TERB1: variants seen among roughly 807,000 people sequenced by gnomAD.
The protein encoded by TERB1 is telomere repeat binding bouquet formation protein 1.
Under a neutral mutation model 92.3 loss-of-function variants are expected in TERB1, and 63 were observed. The ratio of observed to expected loss-of-function variants is 0.68; its 90% confidence interval spans 0.56 to 0.84. The LOEUF (loss-of-function observed/expected upper bound fraction) is 0.84, where lower values mean the gene tolerates loss of function less well. Ranked by LOEUF, TERB1 falls within the 40% of genes least tolerant of loss-of-function variation. The probability of loss-of-function intolerance (pLI) is 0.00; values close to 1 mark genes in which losing one functional copy is unlikely to be tolerated. For synonymous variants in TERB1, 252 were observed against 283.9 expected, an observed-to-expected ratio of 0.89 and a Z score of 1.13; for missense variants, 709 against 843.7, an observed-to-expected ratio of 0.84 and a Z score of 1.98.
intron 16 of TERB1, among the ~76,000 whole-genome samples, chr16:66,761,167 C>G (rs1178947798): frequency 1.3e-5 from 2 of 150,574 alleles, no homozygotes; most frequent in African/African-American, 4.9e-5. Context: ...AAAAGAGCAT[C>G]TAGGCTGGGT....
intron 11 of TERB1, among the ~76,000 whole-genome samples, chr16:66,775,546 AC>A (rs2018531964): frequency 1.3e-5 from 2 of 152,046 alleles, no homozygotes; most frequent in Admixed American, 1.3e-4. Flanking sequence ...AGGCACAATA[AC>A]TGCTTGAACC....
At chr16:66,760,971 G>C (rs1158102487) in intron 16 of TERB1, among the ~76,000 whole-genome samples, 3 of 145,012 alleles carry the variant, frequency 2.1e-5, no homozygotes, top group Non-Finnish European at 4.5e-5. Flanking sequence ...AATTAGCCAG[G>C]CATGGTGGTG....
chr16:66,755,718 T>G (rs1433112977), intron 18 of TERB1, among the ~76,000 whole-genome samples: 2 of 152,064 alleles, frequency 1.3e-5, no homozygotes, highest in Admixed American at 6.6e-5. Context: ...GAGGTTGCAG[T>G]GAGCTGACAG....
Position 66,788,242 on chromosome 16 carries a change from G to A in TERB1, c.327C>T (p.Phe109=), listed in dbSNP as rs1237627740. ...AATTTATGTTTGAATCATTAGATAAGAACCAAGTTAAGTCTTCAAACAACT... is the reference window on the plus strand; with the variant it reads ...AATTTATGTTTGAATCATTAGATAAAAACCAAGTTAAGTCTTCAAACAACT... The part of the protein sequence containing the change: ...TSELFEDLTW[F]LSNDSNINLK... The change falls in exon 6 of 19, where the codon TTC becomes TTT. Residue 109 remains phenylalanine, a synonymous_variant. Coordinates refer to ENST00000433154, the MANE Select transcript of TERB1 (RefSeq NM_001136505.2). The A allele has an allele frequency of 2.0e-6, 3 of 1,511,862 alleles. No individual in the cohort carries two copies. The highest frequency in any genetic ancestry group is 4.7e-5 in the Admixed American group (2 of 42,440). The allele number at this position is 1,511,862 out of a possible 1,614,324, so 93.7% of individuals were successfully genotyped here.
intron 3 of TERB1, among the ~76,000 whole-genome samples, chr16:66,794,549 G>C (rs2018894008): frequency 6.6e-6 from 1 of 151,948 alleles, no homozygotes; most frequent in African/African-American, 2.4e-5. Context: ...TCTTCTCTAG[G>C]CAAAGTAACC....
chr16:66,760,017 C>T (rs1320972483), intron 16 of TERB1, among the ~76,000 whole-genome samples: 6 of 135,182 alleles, frequency 4.4e-5, no homozygotes, highest in Non-Finnish European at 9.3e-5. Context: ...CCTGTAGTCC[C>T]AGCTACTTGG....
At chr16:66,782,483 G>A (rs1262509200) in intron 9 of TERB1, among the ~76,000 whole-genome samples, 1 of 151,494 alleles carries the variant, frequency 6.6e-6, no homozygotes. Flanking sequence ...CTGGGAGGTG[G>A]AGGTTGTAGT....
chr16:66,772,481 CAA>C, intron 13 of TERB1, 106 bp downstream of exon 13: 1 of 1,066,468 alleles, frequency 9.4e-7, no homozygotes, highest in Non-Finnish European at 1.3e-6. Flanking sequence ...GACTCTGTCT[CAA>C]AAAAAATTAA....
In TERB1 at chr16:66,794,917, A is replaced by C. The variant is rs59279104; in HGVS notation, c.31+1851T>G. ...AGAGTGAGACTCCGTCTCAAAAAAAAAAAAAACACACACACACACACACAC... is the reference window on the plus strand; with the variant it reads ...AGAGTGAGACTCCGTCTCAAAAAAACAAAAAACACACACACACACACACAC... On this transcript the variant is annotated intron_variant, in intron 3 of 18. Transcript: ENST00000433154. Among the ~76,000 whole-genome samples the C allele has an allele frequency of 8.9e-4, 84 of 94,668 alleles. 2 individuals carry two copies. The Admixed American group carries it at 9.8e-3, about 11-fold the overall frequency. The allele number at this position is 94,668 out of a possible 152,430, so 62.1% of individuals were successfully genotyped here. A position where few individuals can be genotyped will look rare whatever the true frequency, so the allele number is the denominator to read the frequency against.
Position 66,780,962 on chromosome 16 carries a change from C to T in TERB1, c.701-1947G>A, listed in dbSNP as rs1469116871. On this transcript the variant is annotated intron_variant, in intron 9 of 18. Coordinates refer to ENST00000433154, the MANE Select transcript of TERB1 (RefSeq NM_001136505.2). ...GTTCCACATCCTTGCCAATATTTAA[C>T]ATGACCACTTTTTAACATGCTAGTG... Among the ~76,000 whole-genome samples the T allele has an allele frequency of 3.3e-5, 4 of 120,190 alleles. No individual in the cohort carries two copies. The East Asian group carries it at 1.1e-3, about 34-fold the overall frequency. 78.8% of individuals were successfully genotyped at this position (120,190 alleles called of 152,430 possible).
chr16:66,770,573 A>C (rs2018430415), intron 13 of TERB1, among the ~76,000 whole-genome samples: 1 of 152,162 alleles, frequency 6.6e-6, no homozygotes, highest in Non-Finnish European at 1.5e-5. Context: ...CAAATTTTTA[A>C]ATATAAAAAC....
At chr16:66,764,687 T>C (rs913148533) in intron 16 of TERB1, among the ~76,000 whole-genome samples, 5 of 152,160 alleles carry the variant, frequency 3.3e-5, no homozygotes, top group African/African-American at 1.2e-4. Context: ...CAAAATTTGA[T>C]AGACTAGAAA....
intron 14 of TERB1, among the ~76,000 whole-genome samples, chr16:66,769,523 A>C (rs1450095095): frequency 6.6e-6 from 1 of 152,238 alleles, no homozygotes; most frequent in African/African-American, 2.4e-5. Context: ...AACAAACAAA[A>C]GGGCAAACCC....
At chr16:66,791,130 A>G (rs2018827364) in intron 3 of TERB1, 111 bp from the exon 4 acceptor site, 2 of 524,816 alleles carry the variant, frequency 3.8e-6, no homozygotes, top group Middle Eastern at 5.1e-4. Context: ...TTTTAAAGTA[A>G]TAGGCAGGTA....
intron 2 of TERB1, among the ~76,000 whole-genome samples, chr16:66,798,726 G>A (rs1053686421): frequency 6.6e-6 from 1 of 152,194 alleles, no homozygotes; most frequent in African/African-American, 2.4e-5. Flanking sequence ...CTTGTCTTTA[G>A]TTGGTGGTTC....
chr16:66,781,425 C>A (rs1410123779), intron 9 of TERB1, among the ~76,000 whole-genome samples: 1 of 151,366 alleles, frequency 6.6e-6, no homozygotes, highest in East Asian at 1.9e-4. Context: ...CTGTTCAAAT[C>A]TTTTGCCCAT....
chr16:66,763,630 C>T (rs2018289531), intron 16 of TERB1, among the ~76,000 whole-genome samples: 1 of 152,128 alleles, frequency 6.6e-6, no homozygotes, highest in Non-Finnish European at 1.5e-5. Context: ...GAAAAACTCC[C>T]TCTTTTTTTA....
chr16:66,796,381 C>G (rs1448294834), intron 3 of TERB1, among the ~76,000 whole-genome samples: 1 of 152,080 alleles, frequency 6.6e-6, no homozygotes, highest in Admixed American at 6.5e-5. Flanking sequence ...TCAGCTAAAA[C>G]CTTATGTGAT....
rs773588563 is a variant in TERB1, at chr16:66,768,151, T to A, written c.1637A>T (p.His546Leu). ...TATATTTTTGGCAATGTGAACTGGGTGTTTAAAAACATGGTCACTAAAAGA... is the reference window on the plus strand; with the variant it reads ...TATATTTTTGGCAATGTGAACTGGGAGTTTAAAAACATGGTCACTAAAAGA... The part of the protein sequence containing the change: ...VSQSSDHVFK[H>L]PVHIAKNIKQ... Residue 546 changes from histidine to leucine, a missense_variant, in exon 15 of 19, where the codon CAC becomes CTC. His to Leu is a moderately conservative substitution (Grantham distance 99). Coordinates refer to ENST00000433154, the MANE Select transcript of TERB1 (RefSeq NM_001136505.2). 7.7e-6 allele frequency: 12 copies of A among 1,550,050 alleles called. No homozygotes were observed. The highest frequency in any genetic ancestry group is 2.4e-5 in the South Asian group (2 of 84,020).
Sources: gnomAD v4.1 joint callset for allele counts (sites outside exome capture counted in the v4.1 genomes callset) on GRCh38, gnomAD v4.1.1 for gene constraint, MANE v1.5 for transcripts, NCBI Gene and HGNC (gene_info 2026-07-23, HGNC 2026-07-21) for gene names.